IGSF10: variants seen among roughly 807,000 people sequenced by gnomAD.
IGSF10 encodes the protein immunoglobulin superfamily member 10.
Under a neutral mutation model 128.2 loss-of-function variants are expected in IGSF10, and 126 were observed. That is an observed-to-expected ratio of 0.98 (90% confidence interval 0.85 to 1.14). The LOEUF (loss-of-function observed/expected upper bound fraction) is 1.14, where lower values mean the gene tolerates loss of function less well. Among genes scored for constraint, IGSF10 ranks in the 50% most tolerant of loss-of-function variants. The probability of loss-of-function intolerance (pLI) is 0.00; values close to 1 mark genes in which losing one functional copy is unlikely to be tolerated. For missense variants in IGSF10, 3,295 were observed against 3,149.8 expected, an observed-to-expected ratio of 1.05 and a Z score of -1.10; for synonymous variants, 1,185 against 1,146.2, an observed-to-expected ratio of 1.03 and a Z score of -0.68.
chr3:151,559,782 G>A, the IGSF10 span, among the ~76,000 whole-genome samples: 16 of 152,108 alleles, frequency 1.1e-4, no homozygotes, highest in Non-Finnish European at 2.2e-4. Context: ...AGACTACTTC[G>A]AATAGGTTCG....
At chr3:151,507,862 G>A in the IGSF10 span, among the ~76,000 whole-genome samples, 1 of 151,944 alleles carries the variant, frequency 6.6e-6, no homozygotes, top group Non-Finnish European at 1.5e-5. Flanking sequence ...TATATACCTG[G>A]AAAGTATTTT....
the IGSF10 span, among the ~76,000 whole-genome samples, chr3:151,529,344 G>A: frequency 1.9e-4 from 29 of 152,316 alleles, no homozygotes; most frequent in African/African-American, 6.3e-4. Context: ...CCAGCACAGC[G>A]TTTAAGCTCT....
chr3:151,554,642 T>G, the IGSF10 span, among the ~76,000 whole-genome samples: 22 of 152,182 alleles, frequency 1.4e-4, no homozygotes, highest in African/African-American at 5.3e-4. Flanking sequence ...TTTATCAGGA[T>G]GTTCCATATT....
At chr3:151,550,619 T>A in the IGSF10 span, among the ~76,000 whole-genome samples, 1 of 152,212 alleles carries the variant, frequency 6.6e-6, no homozygotes, top group Non-Finnish European at 1.5e-5. Context: ...AGATCTTTTT[T>A]TTAGGTGTAT....
chr3:151,517,176 AAAT>A, the IGSF10 span, among the ~76,000 whole-genome samples: 2 of 148,608 alleles, frequency 1.3e-5, no homozygotes, highest in Non-Finnish European at 3.0e-5. Context: ...AAGTTATGCC[AAAT>A]AATAGAATCA....
chr3:151,437,032 T>G lies in IGSF10; in HGVS notation c.7529A>C (p.Asn2510Thr). 1 of 1,614,202 alleles carries G rather than the reference T, an allele frequency of 6.2e-7. No individual in the cohort carries two copies. The highest frequency in any genetic ancestry group is 8.5e-7 in the Non-Finnish European group (1 of 1,180,002). Residue 2510 changes from asparagine to threonine, a missense_variant, in exon 8 of 8, where the codon AAT becomes ACT. Asn to Thr is a moderately conservative substitution (Grantham distance 65). Transcript: ENST00000282466. ...AGTAATCAGTGTATGACCAACACTATTTTGAGCCTTACAGATATAGTTTCC... is the reference window on the plus strand; with the variant it reads ...AGTAATCAGTGTATGACCAACACTAGTTTGAGCCTTACAGATATAGTTTCC... Reference protein sequence around the residue: ...DRGNYICKAQNSVGHTLITVP... With the variant: ...DRGNYICKAQTSVGHTLITVP...
At chr3:151,588,755 G>C in the IGSF10 span, among the ~76,000 whole-genome samples, 19 of 152,260 alleles carry the variant, frequency 1.2e-4, 1 homozygote, top group South Asian at 3.9e-3. Context: ...CCTAGTGAGG[G>C]ACACAGACAG....
chr3:151,559,730 A>T, the IGSF10 span, among the ~76,000 whole-genome samples: 1 of 152,116 alleles, frequency 6.6e-6, no homozygotes, highest in Non-Finnish European at 1.5e-5. Context: ...GGAGAGTAAG[A>T]GAGTGGTCCT....
At position 151,443,924 on chromosome 3, in the gene IGSF10, A is replaced by G. The variant is rs1375421397; in HGVS notation, c.5063-40T>C. The G allele has an allele frequency of 2.7e-6, 4 of 1,466,920 alleles. No individual in the cohort carries two copies. The South Asian group carries it at 4.0e-5, about 15-fold the overall frequency. 90.9% of individuals were successfully genotyped at this position (1,466,920 alleles called of 1,614,324 possible). A position where few individuals can be genotyped will look rare whatever the true frequency, so the allele number is the denominator to read the frequency against. ...AGAAAATTATTGCTACGGGTCATCA[A>G]AGTTTATTTAGAAAACATAAAGCTA... is the stretch of plus-strand genomic sequence containing the variant. On this transcript the variant is annotated intron_variant, in intron 6 of 7. Coordinates refer to ENST00000282466, the MANE Select transcript of IGSF10 (RefSeq NM_178822.5).
At chr3:151,561,087 A>T in the IGSF10 span, among the ~76,000 whole-genome samples, 1 of 152,158 alleles carries the variant, frequency 6.6e-6, no homozygotes, top group Non-Finnish European at 1.5e-5. Flanking sequence ...TTTTTGGAAG[A>T]ATCTGTTTGT....
chr3:151,458,248 G>T (rs1577678225), intron 3 of IGSF10, among the ~76,000 whole-genome samples: 1 of 151,982 alleles, frequency 6.6e-6, no homozygotes, highest in Non-Finnish European at 1.5e-5. Context: ...CAGCAAAAAT[G>T]TAGCCAGAAA....
chr3:151,513,334 C>T, the IGSF10 span, among the ~76,000 whole-genome samples: 20 of 151,654 alleles, frequency 1.3e-4, no homozygotes, highest in African/African-American at 4.8e-4. Context: ...AATCAATAAA[C>T]GTAATCCAGC....
chr3:151,465,313 G>A (rs1722241621), upstream of IGSF10, among the ~76,000 whole-genome samples: 1 of 152,194 alleles, frequency 6.6e-6, no homozygotes, highest in South Asian at 2.1e-4. Flanking sequence ...AGAAGACTAA[G>A]GCAGAAGGAG....
At chr3:151,604,756 A>G in the IGSF10 span, among the ~76,000 whole-genome samples, 1 of 152,110 alleles carries the variant, frequency 6.6e-6, no homozygotes, top group South Asian at 2.1e-4. Context: ...AAATATGGAC[A>G]ATTCTTGTTA....
At chr3:151,530,944 A>T in the IGSF10 span, among the ~76,000 whole-genome samples, 5 of 152,194 alleles carry the variant, frequency 3.3e-5, no homozygotes, top group Admixed American at 6.5e-5. Context: ...CAGGAAACCC[A>T]TCTCACATGC....
At chr3:151,489,596 A>G in the IGSF10 span, among the ~76,000 whole-genome samples, 2 of 152,350 alleles carry the variant, frequency 1.3e-5, no homozygotes, top group African/African-American at 4.8e-5. Context: ...GATAGACTAG[A>G]TAAAGAAAAT....
intron 5 of IGSF10, among the ~76,000 whole-genome samples, chr3:151,451,889 A>G (rs1309755044): frequency 6.6e-6 from 1 of 152,232 alleles, no homozygotes; most frequent in Admixed American, 6.5e-5. Context: ...CCACAAATTC[A>G]TTTTATAGAA....
At chr3:151,502,228 T>TAAG in the IGSF10 span, among the ~76,000 whole-genome samples, 1 of 152,182 alleles carries the variant, frequency 6.6e-6, no homozygotes, top group East Asian at 1.9e-4. Flanking sequence ...ATTATGTTAG[T>TAAG]AAGAACTGAT....
chr3:151,557,997 G>GTATATATAATATATATTATA, the IGSF10 span, among the ~76,000 whole-genome samples: 1 of 5,486 alleles, frequency 1.8e-4, no homozygotes, highest in African/African-American at 5.1e-4. Flanking sequence ...CAAATATAAA[G>GTATATATAATATATATTATA]TATATATAAT....
Sources: allele counts gnomAD v4.1 joint callset (sites outside exome capture counted in the v4.1 genomes callset), GRCh38; gene constraint gnomAD v4.1.1; transcripts MANE v1.5; gene names NCBI Gene and HGNC (gene_info 2026-07-23, HGNC 2026-07-21).